S100A8: variants seen among roughly 807,000 people sequenced by gnomAD.
The protein encoded by S100A8 is S100 calcium binding protein A8.
A neutral mutation model predicts 4.2 loss-of-function variants in S100A8; 1 was observed. The observed-to-expected ratio is 0.24, with a 90% confidence interval of 0.08 to 1.12. The LOEUF (loss-of-function observed/expected upper bound fraction) is 1.12, where lower values mean the gene tolerates loss of function less well. Among genes scored for constraint, S100A8 ranks in the 50% most tolerant of loss-of-function variants. The pLI is 0.53. For synonymous variants in S100A8, 41 were observed against 44.7 expected (o/e 0.92, Z 0.33); for missense variants, 96 against 111.8 (o/e 0.86, Z 0.64).
the S100A8 span, among the ~76,000 whole-genome samples, chr1:153,398,300 C>T: frequency 6.6e-6 from 1 of 152,204 alleles, no homozygotes; most frequent in Admixed American, 6.5e-5. Context: ...GATTTGGGTG[C>T]TGGGCCTGTC....
the S100A8 span, among the ~76,000 whole-genome samples, chr1:153,396,282 G>A: frequency 9.9e-5 from 15 of 152,250 alleles, no homozygotes; most frequent in Non-Finnish European, 2.1e-4. Context: ...TCAGACAGGG[G>A]CTCCCTGGAG....
At chr1:153,406,863 C>A in the S100A8 span, among the ~76,000 whole-genome samples, 6 of 152,210 alleles carry the variant, frequency 3.9e-5, no homozygotes, top group African/African-American at 1.4e-4. Context: ...GGGAAAGGCT[C>A]ACAGGGTTCA....
the S100A8 span, among the ~76,000 whole-genome samples, chr1:153,415,585 A>G: frequency 2.0e-5 from 3 of 152,200 alleles, no homozygotes; most frequent in South Asian, 2.1e-4. Flanking sequence ...CAAGGGCACA[A>G]CTCCCAACTC....
the S100A8 span, chr1:153,421,976 C>T: frequency 6.6e-6 from 1 of 152,252 alleles, no homozygotes; most frequent in Non-Finnish European, 1.5e-5. Flanking sequence ...ATGCTTATGT[C>T]AATGCAGGAC....
chr1:153,390,642 C>T (rs1662070572), intron 1 of S100A8, 85 bp from the exon 2 acceptor site: 3 of 1,526,570 alleles, frequency 2.0e-6, no homozygotes, highest in Admixed American at 1.8e-5. Flanking sequence ...ATGCCCCAAG[C>T]GATGGCCTTG....
the S100A8 span, among the ~76,000 whole-genome samples, chr1:153,407,053 G>A: frequency 6.6e-6 from 1 of 152,324 alleles, no homozygotes; most frequent in Non-Finnish European, 1.5e-5. Context: ...CGAAGCAGAA[G>A]ACAGGTGATT....
the S100A8 span, among the ~76,000 whole-genome samples, chr1:153,397,646 A>G: frequency 3.3e-5 from 5 of 152,302 alleles, no homozygotes; most frequent in Admixed American, 2.0e-4. Flanking sequence ...GCTGGTGGGC[A>G]TGAGGACCAG....
In S100A8 at chr1:153,390,515, T is replaced by C. The variant is rs771367513; in HGVS notation, c.21A>G (p.Lys7=). MLTELE[K]ALNSIIDVYH... Reference sequence around the variant, plus strand: ...AGACGTCGATGATAGAGTTCAAGGCTTTCTCCAGCTCGGTCAACATGATGC... The same window carrying C: ...AGACGTCGATGATAGAGTTCAAGGCCTTCTCCAGCTCGGTCAACATGATGC... Residue 7 remains lysine, a synonymous_variant, in exon 2 of 3, where the codon AAA becomes AAG. Transcript: ENST00000368733. 6.2e-7 allele frequency: 1 copy of C among 1,614,208 alleles called. No individual in the cohort carries two copies. Among genetic ancestry groups the C allele is most frequent in the South Asian group, 1.1e-5 (1 of 91,086 alleles).
the S100A8 span, chr1:153,419,263 A>G: frequency 6.2e-7 from 1 of 1,614,148 alleles, no homozygotes; most frequent in South Asian, 1.1e-5. Flanking sequence ...GCAGACTACC[A>G]CAAGCAGAGC....
At chr1:153,405,566 G>A in the S100A8 span, among the ~76,000 whole-genome samples, 12,365 of 147,850 alleles carry the variant, frequency 0.084, 59 homozygotes, top group Middle Eastern at 0.11. Context: ...ATCACATCCC[G>A]CTGGAAAAAG....
At chr1:153,410,426 C>T in the S100A8 span, among the ~76,000 whole-genome samples, 4 of 152,074 alleles carry the variant, frequency 2.6e-5, no homozygotes, top group Non-Finnish European at 5.9e-5. Flanking sequence ...CAAGACTAAA[C>T]CCAGAAAAAG....
At chr1:153,406,239 T>C in the S100A8 span, among the ~76,000 whole-genome samples, 1 of 152,218 alleles carries the variant, frequency 6.6e-6, no homozygotes, top group East Asian at 1.9e-4. Flanking sequence ...TATGGAGTTC[T>C]CTGCACTGGA....
the S100A8 span, among the ~76,000 whole-genome samples, chr1:153,408,055 A>C: frequency 6.6e-6 from 1 of 152,236 alleles, no homozygotes; most frequent in African/African-American, 2.4e-5. Context: ...TAAAAATCAG[A>C]GCACCTCTTC....
chr1:153,405,105 T>C, the S100A8 span, among the ~76,000 whole-genome samples: 1 of 151,470 alleles, frequency 6.6e-6, no homozygotes, highest in Non-Finnish European at 1.5e-5. Context: ...CGCACTGCTT[T>C]CTCCAGCTTG....
chr1:153,397,160 G>GGGCTTCCTCAAGGCAGGGCAGT, the S100A8 span, among the ~76,000 whole-genome samples: 1 of 152,244 alleles, frequency 6.6e-6, no homozygotes, highest in African/African-American at 2.4e-5. Context: ...ACCCCAGCCA[G>GGGCTTCCTCAAGGCAGGGCAGT]GGCTTCCTCA....
At chr1:153,405,950 C>G in the S100A8 span, among the ~76,000 whole-genome samples, 1 of 152,186 alleles carries the variant, frequency 6.6e-6, no homozygotes, top group Non-Finnish European at 1.5e-5. Flanking sequence ...TCCCGCTCCC[C>G]CAACTGCTGC....
At chr1:153,403,261 G>A in the S100A8 span, among the ~76,000 whole-genome samples, 4 of 152,218 alleles carry the variant, frequency 2.6e-5, no homozygotes, top group African/African-American at 9.7e-5. Context: ...TAATTTGTGT[G>A]TATGAAGGAA....
chr1:153,396,954 C>A, the S100A8 span, among the ~76,000 whole-genome samples: 3 of 152,216 alleles, frequency 2.0e-5, no homozygotes, highest in African/African-American at 7.2e-5. Context: ...ATAGTTGGTG[C>A]CCCTAGTTGG....
the S100A8 span, among the ~76,000 whole-genome samples, chr1:153,414,337 A>G: frequency 2.6e-5 from 4 of 152,364 alleles, no homozygotes; most frequent in African/African-American, 7.2e-5. Flanking sequence ...ACAGACTGGG[A>G]GAAAATATTT....
Sources: allele counts gnomAD v4.1 joint callset (sites outside exome capture counted in the v4.1 genomes callset), GRCh38; gene constraint gnomAD v4.1.1; transcripts MANE v1.5; gene names NCBI Gene and HGNC (gene_info 2026-07-23, HGNC 2026-07-21).